Variants in RFX1 observed in about 807,000 individuals in gnomAD.
The protein encoded by RFX1 is MHC class II regulatory factor RFX1.
A neutral mutation model predicts 119.6 loss-of-function variants in RFX1; 42 were observed. The ratio of observed to expected loss-of-function variants is 0.35; its 90% CI spans 0.27 to 0.45. The LOEUF is 0.45. Among genes scored for constraint, RFX1 ranks in the 20% least tolerant of loss-of-function variants. RFX1 has a pLI of 1.00. For synonymous variants in RFX1, 628 were observed against 618.5 expected (o/e 1.02, Z -0.23); for missense variants, 1,118 against 1,368.1 (o/e 0.82, Z 2.88).
rs1974485715 is a variant in RFX1, at chr19:13,983,253, C to T, written c.447G>A (p.Thr149=). The part of the protein sequence containing the change: ...QGTQQRLLVQ[T]SVQAKPGHVS... ...CGTGGCCTGGCTTGGCCTGCACGCTCGTCTGGACCAGCAGCCGCTGTGGAG... is the reference window on the plus strand; with the variant it reads ...CGTGGCCTGGCTTGGCCTGCACGCTTGTCTGGACCAGCAGCCGCTGTGGAG... The change falls in exon 4 of 21, where the codon ACG becomes ACA. Residue 149 remains threonine, a synonymous_variant. Coordinates refer to ENST00000254325, the MANE Select transcript of RFX1 (RefSeq NM_002918.5). The T allele has an allele frequency of 3.2e-6, 5 of 1,565,544 alleles. No homozygotes were observed. The South Asian group carries it at 3.5e-5, about 11-fold the overall frequency.
chr19:13,978,751 T>C (rs1974336192), intron 7 of RFX1, among the ~76,000 whole-genome samples: 1 of 152,064 alleles, frequency 6.6e-6, no homozygotes, highest in South Asian at 2.1e-4. Context: ...GCCACCTACT[T>C]TGAGGGCCGT....
At chr19:13,999,885 A>T (rs1282420532) in intron 1 of RFX1, among the ~76,000 whole-genome samples, 10 of 152,138 alleles carry the variant, frequency 6.6e-5, no homozygotes, top group Non-Finnish European at 2.9e-5. Flanking sequence ...CATGTTAGCC[A>T]GGCTGGTCTC....
At chr19:13,996,880 C>T (rs566128581) in intron 1 of RFX1, among the ~76,000 whole-genome samples, 1 of 152,154 alleles carries the variant, frequency 6.6e-6, no homozygotes, top group East Asian at 1.9e-4. Flanking sequence ...CCTACTACCA[C>T]ATCCAGCTAA....
chr19:13,974,355 G>A (rs767662966), intron 8 of RFX1, among the ~76,000 whole-genome samples: 7 of 152,252 alleles, frequency 4.6e-5, no homozygotes, highest in Non-Finnish European at 8.8e-5. Flanking sequence ...TTCAGATATC[G>A]CGTGACGGGA....
intron 2 of RFX1, among the ~76,000 whole-genome samples, 157 bp from the exon 3 acceptor site, chr19:13,983,752 C>T (rs1568472389): frequency 6.6e-6 from 1 of 151,030 alleles, no homozygotes; most frequent in Admixed American, 6.6e-5. Flanking sequence ...CCTGACTGCA[C>T]CCATCAGGGG....
chr19:13,974,222 A>T (rs1448161427), intron 8 of RFX1, among the ~76,000 whole-genome samples: 2 of 152,144 alleles, frequency 1.3e-5, no homozygotes, highest in East Asian at 3.9e-4. Context: ...GGGCTAGAGA[A>T]GGCGATGCTG....
intron 18 of RFX1, 128 bp from the exon 19 acceptor site, chr19:13,963,403 C>T: frequency 7.0e-7 from 1 of 1,431,558 alleles, no homozygotes; most frequent in Non-Finnish European, 9.4e-7. Flanking sequence ...CACAGCCTTC[C>T]CGGCACATGA....
intron 19 of RFX1, 24 bp from the exon 20 acceptor site, chr19:13,963,063 G>T (rs759462894): frequency 8.9e-5 from 141 of 1,588,400 alleles, no homozygotes; most frequent in Non-Finnish European, 1.2e-4. Flanking sequence ...AGAAGAAAAT[G>T]GGTGAGGGTC....
At chr19:13,994,893 CATATATATAT>C (rs566150731) in intron 1 of RFX1, among the ~76,000 whole-genome samples, 2,502 of 59,332 alleles carry the variant, frequency 0.042, 82 homozygotes, top group Admixed American at 0.064. Context: ...AATATACATA[CATATATATAT>C]ATATATATAT....
Position 13,963,003 on chromosome 19 carries a change from G to T in RFX1, c.2761C>A (p.Pro921Thr). Residue 921 changes from proline to threonine, a missense_variant, in exon 20 of 21, where the codon CCC becomes ACC. Coordinates refer to ENST00000254325, the MANE Select transcript of RFX1 (RefSeq NM_002918.5). ...NLATSLNPLDPDKDEEEEEEE... is the reference protein window; with the variant it reads ...NLATSLNPLDTDKDEEEEEEE... ...AACACGCCTCGCCTACCTTTGTCGGGGTCCAGGGGGTTCAGGGAGGTGGCC... is the reference window on the plus strand; with the variant it reads ...AACACGCCTCGCCTACCTTTGTCGGTGTCCAGGGGGTTCAGGGAGGTGGCC... 1 of 1,551,884 alleles carries T rather than the reference G, an allele frequency of 6.4e-7. No individual in the cohort carries two copies. The highest frequency in any genetic ancestry group is 8.7e-7 in the Non-Finnish European group (1 of 1,147,256).
At chr19:13,988,427 G>A (rs972305299) in intron 2 of RFX1, among the ~76,000 whole-genome samples, 7 of 152,186 alleles carry the variant, frequency 4.6e-5, no homozygotes, top group Admixed American at 4.6e-4. Flanking sequence ...TCCAGACCCT[G>A]GCTCTAGGGA....
intron 3 of RFX1, 71 bp downstream of exon 3, chr19:13,983,415 C>T (rs1974493377): frequency 2.3e-6 from 3 of 1,296,638 alleles, no homozygotes; most frequent in Non-Finnish European, 3.2e-6. Context: ...GGAGGTGAGG[C>T]CCCCGAGGAC....
In RFX1 at chr19:13,977,982, C is replaced by A; in HGVS notation, c.929+10G>T. On this transcript the variant is annotated intron_variant, in intron 8 of 20. Transcript: ENST00000254325. ...CTGACTCCCTCACCCACCCCTCTCC[C>A]TTCACTTACATGGCACTGGCCGTGT... 6.2e-7 allele frequency: 1 copy of A among 1,606,694 alleles called. No homozygotes were observed. The highest frequency in any genetic ancestry group is 1.1e-5 in the South Asian group (1 of 90,598).
chr19:13,975,468 G>A (rs894669703), intron 8 of RFX1, among the ~76,000 whole-genome samples: 5 of 152,150 alleles, frequency 3.3e-5, no homozygotes, highest in Non-Finnish European at 7.3e-5. Flanking sequence ...ACAGGCCCGA[G>A]TGGTTGTGGG....
intron 6 of RFX1, among the ~76,000 whole-genome samples, 193 bp from the exon 7 acceptor site, chr19:13,979,735 G>A (rs1207703974): frequency 6.6e-6 from 1 of 152,136 alleles, no homozygotes; most frequent in Non-Finnish European, 1.5e-5. Flanking sequence ...GCAGGGCTGA[G>A]TTGAACCTGG....
At chr19:13,982,969 T>C in intron 4 of RFX1, 1 of 561,746 alleles carries the variant, frequency 1.8e-6, no homozygotes, top group Non-Finnish European at 3.2e-6. Context: ...TCTTGTTCTC[T>C]CTGCTGAGAT....
At chr19:14,002,621 A>C (rs1327276871) in intron 1 of RFX1, among the ~76,000 whole-genome samples, 1 of 152,238 alleles carries the variant, frequency 6.6e-6, no homozygotes, top group Non-Finnish European at 1.5e-5. Context: ...GGCAGGTTCC[A>C]GTCTATCAAC....
intron 1 of RFX1, among the ~76,000 whole-genome samples, chr19:14,001,526 C>T (rs915700095): frequency 6.6e-6 from 1 of 152,298 alleles, no homozygotes; most frequent in African/African-American, 2.4e-5. Flanking sequence ...GTCTCAAACT[C>T]CTGGGCTTAA....
At position 13,962,983 on chromosome 19, in the gene RFX1, G is replaced by A. The variant is rs1005258893; in HGVS notation, c.2770+11C>T. On this transcript the variant is annotated intron_variant, in intron 20 of 20. Transcript: ENST00000254325. Reference sequence around the variant, plus strand: ...GGACCCGCGCCCTGGGTGGGAACACGCCTCGCCTACCTTTGTCGGGGTCCA... The same window carrying A: ...GGACCCGCGCCCTGGGTGGGAACACACCTCGCCTACCTTTGTCGGGGTCCA... The A allele has an allele frequency of 3.1e-5, 48 of 1,550,108 alleles. No homozygotes were observed. The highest frequency in any genetic ancestry group is 4.2e-5 in the Non-Finnish European group (48 of 1,146,460).
Sources: gnomAD v4.1 joint callset for allele counts (sites outside exome capture counted in the v4.1 genomes callset) on GRCh38, gnomAD v4.1.1 for gene constraint, MANE v1.5 for transcripts, NCBI Gene and HGNC (gene_info 2026-07-23, HGNC 2026-07-21) for gene names.